FAT3: variants seen among roughly 807,000 people sequenced by gnomAD.
The protein encoded by FAT3 is FAT atypical cadherin 3.
Under a neutral mutation model 310.2 loss-of-function variants are expected in FAT3, and 95 were observed. The ratio of observed to expected loss-of-function variants is 0.31; its 90% CI spans 0.26 to 0.36. The LOEUF (loss-of-function observed/expected upper bound fraction) is 0.36. Among genes scored for constraint, FAT3 ranks in the 10% least tolerant of loss-of-function variants. The pLI is 1.00. For synonymous variants in FAT3, 2,314 were observed against 2,192.9 expected, an observed-to-expected ratio of 1.06 and a Z score of -1.54; for missense variants, 5,408 against 5,715.6, an observed-to-expected ratio of 0.95 and a Z score of 1.74.
intron 3 of FAT3, among the ~76,000 whole-genome samples, chr11:92,682,298 A>G (rs1025902507): frequency 6.6e-6 from 1 of 152,214 alleles, no homozygotes; most frequent in Non-Finnish European, 1.5e-5. Context: ...CATAGGGAAT[A>G]CTCAGACAAT....
chr11:92,397,139 T>C (rs1565284381), intron 2 of FAT3, among the ~76,000 whole-genome samples: 1 of 152,200 alleles, frequency 6.6e-6, no homozygotes, highest in Non-Finnish European at 1.5e-5. Flanking sequence ...GTGCCACCAA[T>C]GTGTGCTACA....
chr11:92,535,796 A>G (rs908382366), intron 3 of FAT3, among the ~76,000 whole-genome samples: 2 of 151,350 alleles, frequency 1.3e-5, no homozygotes, highest in Non-Finnish European at 3.0e-5. Flanking sequence ...AAGATAACCC[A>G]TGGATAACAC....
chr11:92,450,335 A>T (rs1407882405), intron 2 of FAT3, among the ~76,000 whole-genome samples: 2 of 152,196 alleles, frequency 1.3e-5, no homozygotes, highest in Non-Finnish European at 2.9e-5. Context: ...GCCTTCTTGA[A>T]GGGTAGGACC....
intron 2 of FAT3, among the ~76,000 whole-genome samples, chr11:92,371,876 G>A (rs1259791152): frequency 6.6e-6 from 1 of 152,202 alleles, no homozygotes; most frequent in Non-Finnish European, 1.5e-5. Flanking sequence ...AAAAGTTACA[G>A]TACATGCTAA....
At chr11:92,256,223 G>A (rs1865308562) in intron 1 of FAT3, among the ~76,000 whole-genome samples, 1 of 151,898 alleles carries the variant, frequency 6.6e-6, no homozygotes, top group African/African-American at 2.4e-5. Flanking sequence ...TATGGAATAG[G>A]ACATGGAGTT....
At chr11:92,312,193 G>A (rs1033760369) in intron 1 of FAT3, among the ~76,000 whole-genome samples, 1 of 151,556 alleles carries the variant, frequency 6.6e-6, no homozygotes, top group African/African-American at 2.4e-5. Context: ...GAATAATGCA[G>A]GCTCCAGCTA....
At chr11:92,806,545 G>A (rs1441788324) in intron 12 of FAT3, 30 bp downstream of exon 12, 2 of 1,515,538 alleles carry the variant, frequency 1.3e-6, no homozygotes, top group Non-Finnish European at 8.9e-7. Flanking sequence ...TGAGATAAAT[G>A]TCATTGTTAA....
At chr11:92,488,354 C>T (rs1299382451) in intron 2 of FAT3, among the ~76,000 whole-genome samples, 1 of 151,112 alleles carries the variant, frequency 6.6e-6, no homozygotes, top group African/African-American at 2.4e-5. Context: ...GGTACCCAGA[C>T]TCCTGGCCCA....
intron 4 of FAT3, among the ~76,000 whole-genome samples, chr11:92,748,019 GTA>G (rs1945723157): frequency 6.6e-6 from 1 of 152,006 alleles, no homozygotes; most frequent in African/African-American, 2.4e-5. Flanking sequence ...ACATTTTTTG[GTA>G]TCCTTACAGC....
At chr11:92,607,715 A>G (rs1238453382) in intron 3 of FAT3, among the ~76,000 whole-genome samples, 2 of 152,224 alleles carry the variant, frequency 1.3e-5, no homozygotes, top group Non-Finnish European at 2.9e-5. Context: ...TATGTGCTAT[A>G]TGATATTATA....
chr11:92,524,422 A>G (rs1336470008), intron 2 of FAT3, among the ~76,000 whole-genome samples: 1 of 152,198 alleles, frequency 6.6e-6, no homozygotes, highest in Non-Finnish European at 1.5e-5. Flanking sequence ...AAATGTAATT[A>G]TACTCTATAA....
At chr11:92,232,835 C>G (rs1314698761) in intron 1 of FAT3, among the ~76,000 whole-genome samples, 1 of 152,000 alleles carries the variant, frequency 6.6e-6, no homozygotes, top group Non-Finnish European at 1.5e-5. Context: ...TTTGGCCTAG[C>G]AACTTAGAAG....
intron 2 of FAT3, among the ~76,000 whole-genome samples, chr11:92,475,101 T>C (rs1952012844): frequency 6.6e-6 from 1 of 152,196 alleles, no homozygotes; most frequent in Non-Finnish European, 1.5e-5. Flanking sequence ...TTAAAGGCTA[T>C]TTTTGCATAT....
At chr11:92,408,151 T>G (rs1950174181) in intron 2 of FAT3, 1 of 152,336 alleles carries the variant, frequency 6.6e-6, no homozygotes, top group Admixed American at 6.6e-5. Flanking sequence ...ATGGCTGCTT[T>G]GTCCTCATGT....
At chr11:92,464,980 A>G (rs1391839487) in intron 2 of FAT3, among the ~76,000 whole-genome samples, 1 of 152,150 alleles carries the variant, frequency 6.6e-6, no homozygotes, top group African/African-American at 2.4e-5. Flanking sequence ...TTAATTTACT[A>G]TACATAATGC....
chr11:92,536,909 T>C (rs1954277298), intron 3 of FAT3, among the ~76,000 whole-genome samples: 1 of 152,180 alleles, frequency 6.6e-6, no homozygotes, highest in African/African-American at 2.4e-5. Context: ...AGTTCACTGG[T>C]AGTCATAGCT....
chr11:92,498,346 CT>C, intron 2 of FAT3: 1 of 237,254 alleles, frequency 4.2e-6, no homozygotes. Context: ...CAAGCCTTTT[CT>C]TTGTCTTTTC....
At chr11:92,759,273 G>T (rs1946083790) in intron 4 of FAT3, among the ~76,000 whole-genome samples, 1 of 152,192 alleles carries the variant, frequency 6.6e-6, no homozygotes, top group African/African-American at 2.4e-5. Flanking sequence ...AGCATGAATG[G>T]AGCGTGTTCT....
intron 2 of FAT3, among the ~76,000 whole-genome samples, chr11:92,434,581 T>TGGTGCTGGTTC (rs376132467): frequency 2.9e-4 from 44 of 152,270 alleles, no homozygotes; most frequent in African/African-American, 9.6e-4. Context: ...CTAGCAACTT[T>TGGTGCTGGTTC]GGTGCTGGTT....
Sources: gnomAD v4.1 joint callset for allele counts (sites outside exome capture counted in the v4.1 genomes callset) on GRCh38, gnomAD v4.1.1 for gene constraint, MANE v1.5 for transcripts, NCBI Gene and HGNC (gene_info 2026-07-23, HGNC 2026-07-21) for gene names.